PRDM6: variants seen among roughly 807,000 people sequenced by gnomAD.
PRDM6 encodes putative histone-lysine N-methyltransferase PRDM6.
A neutral mutation model predicts 60.8 loss-of-function variants in PRDM6; 25 were observed. The observed-to-expected ratio is 0.41, with a 90% CI of 0.30 to 0.57. PRDM6 has a LOEUF of 0.57. Ranked by LOEUF, PRDM6 falls within the 20% of genes least tolerant of loss-of-function variation. PRDM6 has a pLI of 0.27. For missense variants in PRDM6, 839 were observed against 821.3 expected (o/e 1.02, Z -0.26); for synonymous variants, 407 against 357.4 (o/e 1.14, Z -1.57).
rs1225778866 is a variant in PRDM6 at position 123,180,343 on chromosome 5, C to G, written c.1673+20C>G. On this transcript the variant is annotated intron_variant, in intron 7 of 7. Transcript: ENST00000407847. Reference sequence around the variant, plus strand: ...CTTCAAGTAAGTAGTGGCTAGCCCTCCACCCTCTCTTTCTCTTAGCCTTTC... The same window carrying G: ...CTTCAAGTAAGTAGTGGCTAGCCCTGCACCCTCTCTTTCTCTTAGCCTTTC... 1.6e-5 allele frequency: 24 copies of G among 1,537,116 alleles called. No homozygotes were observed. The highest frequency in any genetic ancestry group is 2.1e-5 in the Non-Finnish European group (24 of 1,138,430).
chr5:123,100,785 C>A (rs1026666261), intron 3 of PRDM6, among the ~76,000 whole-genome samples: 1 of 152,220 alleles, frequency 6.6e-6, no homozygotes, highest in African/African-American at 2.4e-5. Flanking sequence ...TCTCCCAAAA[C>A]ATCATGGTGG....
chr5:123,142,875 A>C (rs1178630975), intron 3 of PRDM6, among the ~76,000 whole-genome samples: 1 of 123,624 alleles, frequency 8.1e-6, no homozygotes, highest in Non-Finnish European at 1.7e-5. Context: ...CACAGTGAAG[A>C]CCAAAAAAAA....
chr5:123,142,066 G>A (rs1765115383), intron 3 of PRDM6, among the ~76,000 whole-genome samples: 1 of 152,082 alleles, frequency 6.6e-6, no homozygotes, highest in Admixed American at 6.6e-5. Flanking sequence ...CGGCTCGGAA[G>A]GCATAAATTA....
At chr5:123,142,504 G>T (rs968479194) in intron 3 of PRDM6, among the ~76,000 whole-genome samples, 1 of 152,138 alleles carries the variant, frequency 6.6e-6, no homozygotes, top group Non-Finnish European at 1.5e-5. Context: ...CAAAGGAAAT[G>T]ATTCTATTGA....
chr5:123,089,962 A>T lies in PRDM6; in HGVS notation c.-15-38A>T, dbSNP rs1763769278. 3 of 1,450,786 alleles carry T rather than the reference A, an allele frequency of 2.1e-6. No individual in the cohort carries two copies. In the South Asian group the frequency reaches 3.7e-5, roughly 18 times the overall value. 89.9% of individuals were successfully genotyped at this position (1,450,786 alleles called of 1,614,324 possible). A position where few individuals can be genotyped will look rare whatever the true frequency, so the allele number is the denominator to read the frequency against. On this transcript the variant is annotated intron_variant, in intron 1 of 7. Transcript: ENST00000407847. Reference sequence around the variant, plus strand: ...GCCCTCTTCCCGGCCCCTTTCGCCCAGCTCACGCGCCCCCTCTTCCCTGCC... The same window carrying T: ...GCCCTCTTCCCGGCCCCTTTCGCCCTGCTCACGCGCCCCCTCTTCCCTGCC...
chr5:123,116,203 C>T (rs753431509), intron 3 of PRDM6, among the ~76,000 whole-genome samples: 1 of 152,208 alleles, frequency 6.6e-6, no homozygotes, highest in African/African-American at 2.4e-5. Context: ...TCCAGGGGAG[C>T]TTTCCATCTG....
At chr5:123,116,491 G>A (rs546059547) in intron 3 of PRDM6, among the ~76,000 whole-genome samples, 126 of 152,252 alleles carry the variant, frequency 8.3e-4, no homozygotes, top group African/African-American at 3.0e-3. Context: ...GTGGTTTCCT[G>A]TCATTGCACA....
intron 2 of PRDM6, among the ~76,000 whole-genome samples, chr5:123,098,502 C>G (rs1322318625): frequency 6.6e-6 from 1 of 152,242 alleles, no homozygotes; most frequent in African/African-American, 2.4e-5. Flanking sequence ...AGCGCAGTCG[C>G]CACAGGCTCT....
chr5:123,163,596 T>C (rs1286224169), intron 5 of PRDM6, among the ~76,000 whole-genome samples: 1 of 152,104 alleles, frequency 6.6e-6, no homozygotes, highest in Non-Finnish European at 1.5e-5. Flanking sequence ...CCAAAGAGAG[T>C]GCCTTTCCAT....
In PRDM6 at chr5:123,099,655, T is replaced by G. The variant is rs898297962; in HGVS notation, c.594T>G (p.Arg198=). 6.9e-7 allele frequency: 1 copy of G among 1,455,210 alleles called. No individual in the cohort carries two copies. Among genetic ancestry groups the G allele is most frequent in the African/African-American group, 1.5e-5 (1 of 68,934 alleles). 90.1% of individuals were successfully genotyped at this position (1,455,210 alleles called of 1,614,324 possible). Residue 198 remains arginine, a splice_region_variant and synonymous_variant, in exon 3 of 8, where the codon CGT becomes CGG. Transcript: ENST00000407847. The surrounding 1 kb of genome is among the most constrained non-coding windows in gnomAD (Gnocchi z 4.0). Reference sequence around the variant, plus strand: ...CTTCCTCCTTCTTGTCTCCCGCAGGTTGCGACATGTGCGCGGACAACCGCA... The same window carrying G: ...CTTCCTCCTTCTTGTCTCCCGCAGGGTGCGACATGTGCGCGGACAACCGCA... ...LNQHTSDPNN[R]CDMCADNRNG... is the part of the protein sequence containing the mutation.
At chr5:123,145,859 A>G (rs963738474) in intron 3 of PRDM6, among the ~76,000 whole-genome samples, 10 of 152,246 alleles carry the variant, frequency 6.6e-5, no homozygotes, top group Admixed American at 5.9e-4. Flanking sequence ...TAATTTAAAG[A>G]GTGACACATT....
intron 3 of PRDM6, among the ~76,000 whole-genome samples, chr5:123,124,850 A>AT (rs905206896): frequency 4.0e-5 from 6 of 151,816 alleles, no homozygotes; most frequent in Admixed American, 1.3e-4. Flanking sequence ...CAAACTCTGT[A>AT]TTTTTTTTCT....
intron 3 of PRDM6, among the ~76,000 whole-genome samples, chr5:123,118,021 T>A (rs1430920128): frequency 6.6e-6 from 1 of 152,164 alleles, no homozygotes; most frequent in Admixed American, 6.5e-5. Context: ...GAGCTTACAG[T>A]CTGTGAGGGA....
At chr5:123,168,646 CTGTGTGAGTCTAA>C (rs1765816110) in intron 5 of PRDM6, among the ~76,000 whole-genome samples, 1 of 152,206 alleles carries the variant, frequency 6.6e-6, no homozygotes, top group Non-Finnish European at 1.5e-5. Flanking sequence ...AAAGATTCTC[CTGTGTGAGTCTAA>C]TGTGCAGTAC....
chr5:123,154,462 G>A (rs1044486558), intron 3 of PRDM6, among the ~76,000 whole-genome samples: 1 of 152,064 alleles, frequency 6.6e-6, no homozygotes, highest in East Asian at 1.9e-4. Flanking sequence ...TGTGGGGTTA[G>A]TGGAAAGGTT....
At chr5:123,134,306 G>A (rs928615008) in intron 3 of PRDM6, among the ~76,000 whole-genome samples, 1 of 152,032 alleles carries the variant, frequency 6.6e-6, no homozygotes, top group East Asian at 1.9e-4. Context: ...ATGTAACACC[G>A]AAAAGAATGT....
chr5:123,105,552 A>C (rs570460430), intron 3 of PRDM6, among the ~76,000 whole-genome samples: 13 of 152,246 alleles, frequency 8.5e-5, no homozygotes, highest in Non-Finnish European at 1.6e-4. Flanking sequence ...CACATTACTC[A>C]GCTGGGGAAT....
chr5:123,160,039 T>C (rs1765592004), intron 5 of PRDM6, among the ~76,000 whole-genome samples: 1 of 152,214 alleles, frequency 6.6e-6, no homozygotes, highest in African/African-American at 2.4e-5. Flanking sequence ...TATGCAAAAA[T>C]GAAGTAATAA....
At position 123,181,470 on chromosome 5, in the gene PRDM6, C is replaced by G. The variant is rs139104350; in HGVS notation, c.1673+1147C>G. Among the ~76,000 whole-genome samples, 802 of 152,204 alleles carry G rather than the reference C, an allele frequency of 5.3e-3. 7 individuals are homozygous for G. The highest frequency in any genetic ancestry group is 0.018 in the African/African-American group (750 of 41,522). On this transcript the variant is annotated intron_variant, in intron 7 of 7. Coordinates refer to ENST00000407847, the MANE Select transcript of PRDM6 (RefSeq NM_001136239.4). ...CCGTCCAAACAGCAGGTGGAAAGGCCTGAGAGTGTGAGTCAGCATGCATGG... is the reference window on the plus strand; with the variant it reads ...CCGTCCAAACAGCAGGTGGAAAGGCGTGAGAGTGTGAGTCAGCATGCATGG...
Sources: allele counts gnomAD v4.1 joint callset (sites outside exome capture counted in the v4.1 genomes callset), GRCh38; gene constraint gnomAD v4.1.1; non-coding constraint Gnocchi (gnomAD v3.1); transcripts MANE v1.5; gene names NCBI Gene and HGNC (gene_info 2026-07-23, HGNC 2026-07-21).